Variants in ST6GALNAC5 observed in about 807,000 individuals in gnomAD.
ST6GALNAC5 encodes alpha-N-acetylgalactosaminide alpha-2,6-sialyltransferase 5.
ST6GALNAC5 carries 27 observed loss-of-function variants against 33.6 expected under a neutral mutation model. That is an observed-to-expected ratio of 0.80 (90% CI 0.59 to 1.11). The LOEUF (loss-of-function observed/expected upper bound fraction) is 1.11. ST6GALNAC5 is among the 50% of genes least tolerant of loss of function. ST6GALNAC5 has a pLI of 0.00. For missense variants in ST6GALNAC5, 428 were observed against 454.0 expected (o/e 0.94, Z 0.52); for synonymous variants, 194 against 171.2 (o/e 1.13, Z -1.04).
At chr1:77,050,065 T>G (rs910398961) in intron 3 of ST6GALNAC5, among the ~76,000 whole-genome samples, 193 bp from the exon 4 acceptor site, 1 of 152,220 alleles carries the variant, frequency 6.6e-6, no homozygotes, top group Non-Finnish European at 1.5e-5. Flanking sequence ...TAACATCAAT[T>G]ATGATTGTAC....
intron 2 of ST6GALNAC5, among the ~76,000 whole-genome samples, chr1:76,972,319 C>A (rs1482621326): frequency 6.6e-6 from 1 of 152,104 alleles, no homozygotes; most frequent in East Asian, 1.9e-4. Context: ...TGCCTCCCAC[C>A]AGGACCCTCC....
At position 76,895,405 on chromosome 1, in the gene ST6GALNAC5, G is replaced by A. The variant is rs187407067; in HGVS notation, c.261+26663G>A. Reference sequence around the variant, plus strand: ...AGATTAAGCTGAAGGAAGATTTTGTGGTAAGGGGTGATATTGTGGGGTTGT... The same window carrying A: ...AGATTAAGCTGAAGGAAGATTTTGTAGTAAGGGGTGATATTGTGGGGTTGT... On this transcript the variant is annotated intron_variant, in intron 2 of 4. Coordinates refer to ENST00000477717, the MANE Select transcript of ST6GALNAC5 (RefSeq NM_030965.3). 5.2e-3 allele frequency among the ~76,000 whole-genome samples: 786 copies of A among 152,038 alleles called. 3 individuals carry two copies. Among genetic ancestry groups the A allele is most frequent in the Non-Finnish European group, 7.9e-3 (536 of 67,988 alleles).
intron 2 of ST6GALNAC5, among the ~76,000 whole-genome samples, chr1:76,996,724 C>T (rs1040333257): frequency 6.6e-6 from 1 of 152,158 alleles, no homozygotes; most frequent in African/African-American, 2.4e-5. Flanking sequence ...AGGAGGCTGG[C>T]ATTGTCAGGG....
At chr1:76,973,271 C>A (rs1480902194) in intron 2 of ST6GALNAC5, among the ~76,000 whole-genome samples, 1 of 151,820 alleles carries the variant, frequency 6.6e-6, no homozygotes, top group East Asian at 1.9e-4. Context: ...TAAAAGGAAT[C>A]AGCTCATACA....
At chr1:76,957,659 T>C (rs1342387069) in intron 2 of ST6GALNAC5, among the ~76,000 whole-genome samples, 1 of 126,754 alleles carries the variant, frequency 7.9e-6, no homozygotes, top group Admixed American at 1.0e-4. Context: ...TTGAAAGTAC[T>C]AGACATGACA....
intron 2 of ST6GALNAC5, among the ~76,000 whole-genome samples, chr1:76,941,694 G>C (rs893710179): frequency 6.6e-5 from 10 of 152,206 alleles, no homozygotes; most frequent in African/African-American, 2.4e-4. Context: ...ACTGGAGTGA[G>C]GCAATCACAA....
At chr1:76,993,364 C>A (rs1228498436) in intron 2 of ST6GALNAC5, among the ~76,000 whole-genome samples, 1 of 152,162 alleles carries the variant, frequency 6.6e-6, no homozygotes, top group African/African-American at 2.4e-5. Flanking sequence ...ATAGCAAGAA[C>A]TCAATCAATA....
At chr1:76,936,663 A>C (rs914459653) in intron 2 of ST6GALNAC5, among the ~76,000 whole-genome samples, 3 of 152,120 alleles carry the variant, frequency 2.0e-5, no homozygotes, top group African/African-American at 4.8e-5. Flanking sequence ...CTTAATTTAC[A>C]GAACATTATT....
At chr1:76,993,183 G>A (rs1042763611) in intron 2 of ST6GALNAC5, among the ~76,000 whole-genome samples, 12 of 152,092 alleles carry the variant, frequency 7.9e-5, no homozygotes, top group South Asian at 2.1e-4. Context: ...ATGCCTTTGC[G>A]AACTCTCTAG....
chr1:76,957,342 C>T (rs1648043169), intron 2 of ST6GALNAC5, among the ~76,000 whole-genome samples: 1 of 152,132 alleles, frequency 6.6e-6, no homozygotes, highest in South Asian at 2.1e-4. Flanking sequence ...CACTTGGCCT[C>T]CTTCCTCATG....
chr1:76,983,959 T>G (rs80092874), intron 2 of ST6GALNAC5, among the ~76,000 whole-genome samples: 8 of 152,266 alleles, frequency 5.3e-5, no homozygotes, highest in Admixed American at 3.9e-4. Context: ...TTCTTTCAAA[T>G]CAATGAGAAC....
chr1:76,965,795 C>T (rs539341589), intron 2 of ST6GALNAC5, among the ~76,000 whole-genome samples: 90 of 152,054 alleles, frequency 5.9e-4, no homozygotes, highest in Non-Finnish European at 8.7e-4. Flanking sequence ...TAAGGTGTAA[C>T]GAAGGGATCC....
intron 2 of ST6GALNAC5, among the ~76,000 whole-genome samples, chr1:76,965,800 G>A (rs1648446526): frequency 6.6e-6 from 1 of 152,100 alleles, no homozygotes; most frequent in African/African-American, 2.4e-5. Flanking sequence ...TGTAACGAAG[G>A]GATCCAATTT....
chr1:76,895,825 G>T (rs571008572), intron 2 of ST6GALNAC5, among the ~76,000 whole-genome samples: 1 of 152,194 alleles, frequency 6.6e-6, no homozygotes, highest in African/African-American at 2.4e-5. Flanking sequence ...TTGGTCTGGC[G>T]TCTGGAATGA....
At chr1:76,898,548 G>A (rs183595220) in intron 2 of ST6GALNAC5, among the ~76,000 whole-genome samples, 99 of 152,252 alleles carry the variant, frequency 6.5e-4, no homozygotes, top group African/African-American at 2.0e-3. Context: ...TAGGGTCTAG[G>A]GCTGTAAAGA....
intron 2 of ST6GALNAC5, among the ~76,000 whole-genome samples, chr1:76,916,845 T>G (rs939333702): frequency 6.6e-6 from 1 of 152,196 alleles, no homozygotes; most frequent in Non-Finnish European, 1.5e-5. Context: ...TATGTTTGAT[T>G]AAACCAAAAT....
At chr1:76,930,471 A>T (rs114530362) in intron 2 of ST6GALNAC5, among the ~76,000 whole-genome samples, 1 of 152,110 alleles carries the variant, frequency 6.6e-6, no homozygotes, top group Non-Finnish European at 1.5e-5. Flanking sequence ...GACATGGTGA[A>T]CATTTTTGAT....
At position 76,911,222 on chromosome 1, in the gene ST6GALNAC5, T is replaced by C. The variant is rs935156333; in HGVS notation, c.261+42480T>C. 2.0e-5 allele frequency among the ~76,000 whole-genome samples: 3 copies of C among 152,170 alleles called. No homozygotes were observed. The East Asian group carries it at 5.8e-4, about 29-fold the overall frequency. On this transcript the variant is annotated intron_variant, in intron 2 of 4. Transcript: ENST00000477717. ...TAATCATGTGGTTTTTGTCTTTGGT[T>C]CTGTTTATATGCTGGATTACATTTA...
intron 2 of ST6GALNAC5, among the ~76,000 whole-genome samples, chr1:76,991,515 A>T (rs1310923106): frequency 6.6e-6 from 1 of 152,188 alleles, no homozygotes; most frequent in African/African-American, 2.4e-5. Flanking sequence ...ACCACTTCTC[A>T]TTCAATTTGC....
Sources: allele counts gnomAD v4.1 joint callset (sites outside exome capture counted in the v4.1 genomes callset), GRCh38; gene constraint gnomAD v4.1.1; transcripts MANE v1.5; gene names NCBI Gene and HGNC (gene_info 2026-07-23, HGNC 2026-07-21).